RMND1: variants seen among roughly 807,000 people sequenced by gnomAD.
RMND1 encodes the protein required for meiotic nuclear division 1 homolog.
In RMND1, 41 loss-of-function variants were observed where a neutral mutation model predicts 54.0. That is an observed-to-expected ratio of 0.76 (90% CI 0.59 to 0.98). The LOEUF (loss-of-function observed/expected upper bound fraction) is 0.98. RMND1 is among the 50% of genes least tolerant of loss of function. The pLI is 0.00. For missense variants in RMND1, 457 were observed against 532.0 expected (o/e 0.86, Z 1.39); for synonymous variants, 183 against 181.7 (o/e 1.01, Z -0.06).
At chr6:151,424,977 C>T (rs1031960402) in intron 6 of RMND1, among the ~76,000 whole-genome samples, 1 of 152,150 alleles carries the variant, frequency 6.6e-6, no homozygotes, top group African/African-American at 2.4e-5. Flanking sequence ...GAGTCTTGCT[C>T]TGTCACCCAG....
intron 4 of RMND1, among the ~76,000 whole-genome samples, chr6:151,431,658 G>A (rs1780450686): frequency 6.6e-6 from 1 of 151,938 alleles, no homozygotes; most frequent in African/African-American, 2.4e-5. Context: ...AAACATGCCT[G>A]GTGCAAACTG....
Position 151,447,642 on chromosome 6 carries a change from T to C in RMND1, c.-14-1817A>G, listed in dbSNP as rs183107945. On this transcript the variant is annotated intron_variant, in intron 1 of 11. Coordinates refer to ENST00000444024, the MANE Select transcript of RMND1 (RefSeq NM_017909.4). ...TAGAACCTGCTGCTTCCAAAATCCCTTCAAAAGCTCGCATTCTGTGCTTCA... is the reference window on the plus strand; with the variant it reads ...TAGAACCTGCTGCTTCCAAAATCCCCTCAAAAGCTCGCATTCTGTGCTTCA... Among the ~76,000 whole-genome samples the C allele has an allele frequency of 9.8e-5, 15 of 152,306 alleles. No individual in the cohort carries two copies. The East Asian group carries it at 2.9e-3, about 29-fold the overall frequency.
intron 1 of RMND1, among the ~76,000 whole-genome samples, chr6:151,450,168 A>ATCCCATCTAGGAAGTGAGGAGCG (rs1781098530): frequency 7.9e-6 from 1 of 126,320 alleles, no homozygotes; most frequent in Admixed American, 7.7e-5. Flanking sequence ...AGTGAGGAGC[A>ATCCCATCTAGGAAGTGAGGAGCG]CCTCTTCCCG....
chr6:151,415,888 C>G (rs112719861), intron 10 of RMND1, among the ~76,000 whole-genome samples: 17,839 of 151,872 alleles, frequency 0.12, 1,082 homozygotes, highest in Middle Eastern at 0.18. Flanking sequence ...AGATTACTCA[C>G]TGCCAGGGGT....
intron 10 of RMND1, among the ~76,000 whole-genome samples, chr6:151,412,954 C>G (rs983831159): frequency 9.2e-5 from 14 of 152,116 alleles, no homozygotes; most frequent in Non-Finnish European, 1.9e-4. Flanking sequence ...TACCATTCGA[C>G]ACAAGATTTG....
chr6:151,447,797 CTT>C (rs1210727038), intron 1 of RMND1, among the ~76,000 whole-genome samples: 4 of 147,162 alleles, frequency 2.7e-5, no homozygotes, highest in East Asian at 4.0e-4. Context: ...TTTTTATTCT[CTT>C]TGAGTAAATT....
At position 151,444,954 on chromosome 6, in the gene RMND1, G is replaced by T. The variant is rs558966102; in HGVS notation, c.504+354C>A. 2.8e-5 allele frequency: 5 copies of T among 179,822 alleles called. No homozygotes were observed. In the East Asian group the frequency reaches 7.2e-4, roughly 26 times the overall value. 11.1% of individuals were successfully genotyped at this position (179,822 alleles called of 1,614,324 possible). A position where few individuals can be genotyped will look rare whatever the true frequency, so the allele number is the denominator to read the frequency against. ...GCAGAGTTACAATTTTTTTTAACTT[G>T]ATGAAGAATTTCTAGTTTGTTTTTT... On this transcript the variant is annotated intron_variant, in intron 2 of 11. Coordinates refer to ENST00000444024, the MANE Select transcript of RMND1 (RefSeq NM_017909.4).
intron 2 of RMND1, among the ~76,000 whole-genome samples, chr6:151,442,904 A>G (rs73783020): frequency 0.013 from 1,909 of 152,214 alleles, 37 homozygotes; most frequent in African/African-American, 0.044. Flanking sequence ...ATCTCTGAAA[A>G]TGAGACCAGG....
chr6:151,435,711 C>T (rs943673105), intron 3 of RMND1, among the ~76,000 whole-genome samples: 1 of 151,672 alleles, frequency 6.6e-6, no homozygotes, highest in Non-Finnish European at 1.5e-5. Context: ...TGAGCTACTG[C>T]ACCCGGCTAA....
At chr6:151,438,579 T>G (rs1780681366) in intron 2 of RMND1, among the ~76,000 whole-genome samples, 1 of 152,132 alleles carries the variant, frequency 6.6e-6, no homozygotes, top group Non-Finnish European at 1.5e-5. Context: ...AAATTCAAAT[T>G]GACTTGTCAA....
chr6:151,409,129 G>T (rs1217293056), intron 10 of RMND1, among the ~76,000 whole-genome samples: 3 of 152,218 alleles, frequency 2.0e-5, no homozygotes, highest in African/African-American at 7.2e-5. Flanking sequence ...AAAAGGTCCA[G>T]TCTGGAGACT....
At chr6:151,451,405 C>G (rs1422773645) in intron 1 of RMND1, among the ~76,000 whole-genome samples, 1 of 152,110 alleles carries the variant, frequency 6.6e-6, no homozygotes, top group Non-Finnish European at 1.5e-5. Context: ...AAAATCCTAT[C>G]TTTTGAATCT....
intron 10 of RMND1, among the ~76,000 whole-genome samples, chr6:151,411,044 T>C (rs750617547): frequency 1.3e-5 from 2 of 152,124 alleles, no homozygotes; most frequent in Non-Finnish European, 2.9e-5. Context: ...ATCGGAACCT[T>C]TGCCTCCCAA....
intron 7 of RMND1, 67 bp downstream of exon 7, chr6:151,423,458 A>G: frequency 1.0e-6 from 1 of 973,064 alleles, no homozygotes; most frequent in East Asian, 2.4e-5. Context: ...CAAAATCGTG[A>G]CTATTTAAAC....
In RMND1 at chr6:151,436,557, G is replaced by A; in HGVS notation, c.505-3C>T. The A allele has an allele frequency of 6.2e-7, 1 of 1,613,510 alleles. No homozygotes were observed. The highest frequency in any genetic ancestry group is 8.5e-7 in the Non-Finnish European group (1 of 1,179,576). ...AATGCTGTGCAGTGCATTAGGTCCT[G>A]TTCCAGGGAAATGAGCATAACATGG... On this transcript the variant is annotated splice_region_variant and splice_polypyrimidine_tract_variant and intron_variant, in intron 2 of 11. Coordinates refer to ENST00000444024, the MANE Select transcript of RMND1 (RefSeq NM_017909.4).
intron 1 of RMND1, among the ~76,000 whole-genome samples, chr6:151,450,750 G>A (rs759400264): frequency 6.0e-5 from 9 of 150,812 alleles, no homozygotes; most frequent in Admixed American, 2.6e-4. Context: ...GCGGTTTTGT[G>A]TAATAGAAAG....
rs777861867 is a variant in RMND1, at chr6:151,404,775, AT to A, written c.*459del. On this transcript the variant is annotated 3_prime_UTR_variant, in exon 12 of 12. Transcript: ENST00000444024. Reference sequence around the variant, plus strand: ...AGATACAAACACTAGATTCTTCATAATTTTATTCACACGATATACTGGGCTG... The same window carrying A: ...AGATACAAACACTAGATTCTTCATAATTTATTCACACGATATACTGGGCTG... 6.6e-6 allele frequency: 1 copy of A among 152,478 alleles called. No homozygotes were observed. Among genetic ancestry groups the A allele is most frequent in the Non-Finnish European group, 1.5e-5 (1 of 68,266 alleles). 9.4% of individuals were successfully genotyped at this position (152,478 alleles called of 1,614,324 possible). A position where few individuals can be genotyped will look rare whatever the true frequency, so the allele number is the denominator to read the frequency against.
At chr6:151,436,760 C>G in intron 2 of RMND1, 1 of 456,474 alleles carries the variant, frequency 2.2e-6, no homozygotes, top group Non-Finnish European at 3.9e-6. Flanking sequence ...TTGAAAAGAA[C>G]TTGCTCCCTC....
At chr6:151,417,879 G>C (rs867025946) in intron 9 of RMND1, among the ~76,000 whole-genome samples, 1 of 150,640 alleles carries the variant, frequency 6.6e-6, no homozygotes, top group African/African-American at 2.4e-5. Context: ...CATGATCTCA[G>C]CTCACTGCAA....
Sources: allele counts gnomAD v4.1 joint callset (sites outside exome capture counted in the v4.1 genomes callset), GRCh38; gene constraint gnomAD v4.1.1; transcripts MANE v1.5; gene names NCBI Gene and HGNC (gene_info 2026-07-23, HGNC 2026-07-21).